The following GTF2E1 variants were observed in gnomAD, a reference collection of about 807,000 sequenced individuals.
GTF2E1 encodes TFIIE alpha subunit.
A neutral mutation model predicts 34.9 loss-of-function variants in GTF2E1; 14 were observed. The ratio of observed to expected loss-of-function variants is 0.40; its 90% CI spans 0.27 to 0.63. The LOEUF is 0.63. Ranked by LOEUF, GTF2E1 falls within the 20% of genes least tolerant of loss-of-function variation. The pLI is 0.39. For missense variants in GTF2E1, 469 were observed against 557.7 expected (o/e 0.84, Z 1.60); for synonymous variants, 188 against 192.9 (o/e 0.97, Z 0.21).
chr3:120,748,848 G>T (rs1455392454), intron 1 of GTF2E1, among the ~76,000 whole-genome samples: 1 of 152,112 alleles, frequency 6.6e-6, no homozygotes, highest in African/African-American at 2.4e-5. Flanking sequence ...GGGCAGTATG[G>T]CCATTTTCAC....
rs1576355251 is a variant in GTF2E1, at chr3:120,748,283, T to G, written c.-30-2240T>G. Among the ~76,000 whole-genome samples, 3 of 151,490 alleles carry G rather than the reference T, an allele frequency of 2.0e-5. No homozygotes were observed. The South Asian group carries it at 6.2e-4, about 31-fold the overall frequency. On this transcript the variant is annotated intron_variant, in intron 1 of 4. Coordinates refer to ENST00000283875, the MANE Select transcript of GTF2E1 (RefSeq NM_005513.3). ...GATCCCATTTGTCAATTTTGGCTTTTGTTGCCATTGCTTTTGGTGTTTTAG... is the reference window on the plus strand; with the variant it reads ...GATCCCATTTGTCAATTTTGGCTTTGGTTGCCATTGCTTTTGGTGTTTTAG...
At chr3:120,743,981 G>A (rs1709082060) in intron 1 of GTF2E1, among the ~76,000 whole-genome samples, 2 of 152,150 alleles carry the variant, frequency 1.3e-5, no homozygotes, top group Admixed American at 1.3e-4. Context: ...GGACTATGGA[G>A]ATCAAAGGAA....
At chr3:120,758,559 T>C (rs1006871569) in intron 2 of GTF2E1, among the ~76,000 whole-genome samples, 2 of 145,048 alleles carry the variant, frequency 1.4e-5, no homozygotes, top group Non-Finnish European at 3.1e-5. Context: ...CTCCTACTGC[T>C]AATCCCTCCC....
chr3:120,769,687 G>A (rs1029913515), intron 2 of GTF2E1, among the ~76,000 whole-genome samples: 1 of 152,082 alleles, frequency 6.6e-6, no homozygotes, highest in Non-Finnish European at 1.5e-5. Context: ...AGTGGCTTGG[G>A]TTTGCCTCAC....
chr3:120,744,632 T>C (rs1338997740), intron 1 of GTF2E1, among the ~76,000 whole-genome samples: 2 of 152,206 alleles, frequency 1.3e-5, no homozygotes, highest in Non-Finnish European at 2.9e-5. Context: ...TATATTTTGT[T>C]GGGTCCTTTT....
At position 120,753,229 on chromosome 3, in the gene GTF2E1, C is replaced by T. The variant is rs114574081; in HGVS notation, c.448+2229C>T. ...ATTCTTTCTTGTTTTGCTCGGTATT[C>T]ATCTCTCTGTCCTCTCCTCTACTCC... is the stretch of plus-strand genomic sequence containing the variant. On this transcript the variant is annotated intron_variant, in intron 2 of 4. Transcript: ENST00000283875. Among the ~76,000 whole-genome samples, 1,167 of 151,840 alleles carry T rather than the reference C, an allele frequency of 7.7e-3. 15 individuals are homozygous for T. The highest frequency in any genetic ancestry group is 0.027 in the African/African-American group (1,107 of 41,422).
In GTF2E1 at chr3:120,743,267, T is replaced by C. The variant is rs182651962; in HGVS notation, c.-31+473T>C. On this transcript the variant is annotated intron_variant, in intron 1 of 4. Transcript: ENST00000283875. ...TCTAACTGGTCTCTTCGCATCCACTTTTCTTGTTTTTTTCTCCACTCTGCA... is the reference window on the plus strand; with the variant it reads ...TCTAACTGGTCTCTTCGCATCCACTCTTCTTGTTTTTTTCTCCACTCTGCA... 5.3e-5 allele frequency among the ~76,000 whole-genome samples: 8 copies of C among 152,354 alleles called. No homozygotes were observed. In the East Asian group the frequency reaches 1.5e-3, roughly 29 times the overall value.
At chr3:120,750,490 C>A in intron 1 of GTF2E1, 33 bp from the exon 2 acceptor site, 2 of 1,300,158 alleles carry the variant, frequency 1.5e-6, no homozygotes, top group Non-Finnish European at 1.1e-6. Context: ...TGTTCTTATA[C>A]CTGGCTAATT....
intron 1 of GTF2E1, among the ~76,000 whole-genome samples, chr3:120,748,432 G>A (rs781017573): frequency 1.6e-4 from 25 of 152,194 alleles, no homozygotes; most frequent in Non-Finnish European, 2.8e-4. Context: ...TTTGTAAAAG[G>A]TGTAAGGAAG....
intron 2 of GTF2E1, among the ~76,000 whole-genome samples, chr3:120,752,313 A>G (rs945384163): frequency 2.0e-5 from 3 of 152,184 alleles, no homozygotes; most frequent in South Asian, 2.1e-4. Flanking sequence ...GAGCTCTTCA[A>G]AATAGACTAG....
intron 2 of GTF2E1, among the ~76,000 whole-genome samples, chr3:120,759,792 G>A (rs978033876): frequency 1.3e-5 from 2 of 152,154 alleles, no homozygotes; most frequent in African/African-American, 4.8e-5. Context: ...TGTTCCATTG[G>A]TCTGTATATC....
chr3:120,748,865 G>C (rs931581128), intron 1 of GTF2E1, among the ~76,000 whole-genome samples: 1 of 152,160 alleles, frequency 6.6e-6, no homozygotes, highest in African/African-American at 2.4e-5. Context: ...TCACGATATT[G>C]ATTCTTCCTA....
intron 2 of GTF2E1, among the ~76,000 whole-genome samples, chr3:120,768,320 TG>T (rs1429871277): frequency 6.6e-6 from 1 of 152,110 alleles, no homozygotes; most frequent in African/African-American, 2.4e-5. Flanking sequence ...GGAAGGCATC[TG>T]GGTAGAGGGC....
chr3:120,752,356 CA>C (rs1370115951), intron 2 of GTF2E1, among the ~76,000 whole-genome samples: 1 of 152,192 alleles, frequency 6.6e-6, no homozygotes, highest in African/African-American at 2.4e-5. Context: ...TTCACTCTAA[CA>C]GATTTCTTAC....
At chr3:120,760,002 A>G (rs1308714298) in intron 2 of GTF2E1, among the ~76,000 whole-genome samples, 3 of 152,164 alleles carry the variant, frequency 2.0e-5, no homozygotes, top group African/African-American at 7.2e-5. Flanking sequence ...TGATGGGGAT[A>G]ACATTGAATC....
intron 3 of GTF2E1, among the ~76,000 whole-genome samples, chr3:120,775,653 G>A (rs1378670467): frequency 1.3e-5 from 2 of 152,174 alleles, no homozygotes; most frequent in African/African-American, 4.8e-5. Context: ...TAGAAGATAA[G>A]GAAATGATCA....
chr3:120,776,801 T>C, intron 4 of GTF2E1, 137 bp downstream of exon 4: 1 of 711,440 alleles, frequency 1.4e-6, no homozygotes, highest in Non-Finnish European at 2.2e-6. Context: ...AGTAAGAAAT[T>C]GAACAATAAG....
intron 2 of GTF2E1, among the ~76,000 whole-genome samples, chr3:120,769,620 A>AT (rs373086554): frequency 1.2e-4 from 18 of 152,152 alleles, no homozygotes; most frequent in Non-Finnish European, 2.1e-4. Context: ...GCAAGATGGG[A>AT]TTTTTTGTGG....
intron 4 of GTF2E1, among the ~76,000 whole-genome samples, chr3:120,777,227 C>A (rs752482944): frequency 2.0e-5 from 3 of 152,136 alleles, no homozygotes; most frequent in Non-Finnish European, 2.9e-5. Flanking sequence ...TACTAATCTT[C>A]GGAAGTTAGA....
Sources: allele counts gnomAD v4.1 joint callset (sites outside exome capture counted in the v4.1 genomes callset), GRCh38; gene constraint gnomAD v4.1.1; transcripts MANE v1.5; gene names NCBI Gene and HGNC (gene_info 2026-07-23, HGNC 2026-07-21).